Variants in DEGS2 observed in about 807,000 individuals in gnomAD.
DEGS2 encodes sphingolipid delta(4)-desaturase/C4-monooxygenase DES2.
DEGS2 carries 19 observed loss-of-function variants against 23.8 expected under a neutral mutation model. The ratio of observed to expected loss-of-function variants is 0.80; its 90% CI spans 0.56 to 1.17. The LOEUF is 1.17. DEGS2 is among the 50% of genes most tolerant of loss of function. The pLI is 0.00. For synonymous variants in DEGS2, 218 were observed against 213.7 expected (o/e 1.02, Z -0.18); for missense variants, 390 against 459.5 (o/e 0.85, Z 1.38).
intron 1 of DEGS2, among the ~76,000 whole-genome samples, chr14:100,151,989 C>G (rs901951700): frequency 3.9e-5 from 6 of 152,058 alleles, no homozygotes; most frequent in African/African-American, 1.5e-4. Context: ...AGGGTCGTGG[C>G]TGAGGTCACC....
chr14:100,157,360 A>G (rs552351462), intron 1 of DEGS2, among the ~76,000 whole-genome samples: 6 of 152,296 alleles, frequency 3.9e-5, no homozygotes, highest in East Asian at 1.9e-4. Flanking sequence ...CAGATACCCA[A>G]TGAGTCCTGT....
Position 100,146,877 on chromosome 14 carries a change from G to A in DEGS2, c.856C>T (p.His286Tyr). 8.1e-6 allele frequency: 13 copies of A among 1,613,646 alleles called. No homozygotes were observed. Among genetic ancestry groups the A allele is most frequent in the Non-Finnish European group, 1.0e-5 (12 of 1,179,892 alleles). ...VRKIAPEYYD[H>Y]LPQHHSWVKV... ...ACCCAGGAGTGGTGCTGCGGCAGGTGGTCGTAGTACTCGGGCGCGATCTTC... is the reference window on the plus strand; with the variant it reads ...ACCCAGGAGTGGTGCTGCGGCAGGTAGTCGTAGTACTCGGGCGCGATCTTC... Residue 286 changes from histidine to tyrosine, a missense_variant, in exon 3 of 3, where the codon CAC becomes TAC. By Grantham distance (83) the His-to-Tyr change is moderately conservative. Transcript: ENST00000305631.
upstream of DEGS2, among the ~76,000 whole-genome samples, chr14:100,164,067 T>C (rs371556857): frequency 2.6e-4 from 39 of 152,082 alleles, no homozygotes; most frequent in East Asian, 7.5e-3. Context: ...AATACAAAAA[T>C]TAGCCAGGTG....
At chr14:100,158,476 C>CT (rs1469493514) in intron 1 of DEGS2, among the ~76,000 whole-genome samples, 2 of 152,114 alleles carry the variant, frequency 1.3e-5, no homozygotes, top group Non-Finnish European at 2.9e-5. Flanking sequence ...GCAGGAGAAT[C>CT]GCTTGAACCT....
At chr14:100,148,019 G>T (rs1175087092) in intron 2 of DEGS2, among the ~76,000 whole-genome samples, 2 of 152,152 alleles carry the variant, frequency 1.3e-5, no homozygotes, top group Non-Finnish European at 2.9e-5. Flanking sequence ...GCAGAGCACC[G>T]CCTTGGTACT....
At chr14:100,156,938 G>T (rs986518045) in intron 1 of DEGS2, among the ~76,000 whole-genome samples, 1 of 152,214 alleles carries the variant, frequency 6.6e-6, no homozygotes, top group African/African-American at 2.4e-5. Context: ...AAGGGAGCGT[G>T]GACCAAGCTG....
intron 2 of DEGS2, 49 bp from the exon 3 acceptor site, chr14:100,146,956 A>G (rs1202034831): frequency 1.3e-6 from 2 of 1,580,920 alleles, no homozygotes; most frequent in Admixed American, 1.8e-5. Context: ...TCGGGGCCGC[A>G]CCCGCGAGCA....
chr14:100,149,393 A>G lies in DEGS2; in HGVS notation c.400T>C (p.Tyr134His). Residue 134 changes from tyrosine to histidine, a missense_variant, in exon 2 of 3, where the codon TAC becomes CAC. By Grantham distance (83) the Tyr-to-His change is moderately conservative. Coordinates refer to ENST00000305631, the MANE Select transcript of DEGS2 (RefSeq NM_206918.3). ...ACGTCCAGCCCGTCGCCGCCCAGGT[A>G]GCGGTGGTGGTCCACGTGGTACTTC... ...FKKYHVDHHR[Y>H]LGGDGLDVDV... 6.2e-7 allele frequency: 1 copy of G among 1,605,130 alleles called. No individual in the cohort carries two copies. Among genetic ancestry groups the G allele is most frequent in the Non-Finnish European group, 8.5e-7 (1 of 1,174,868 alleles).
intron 1 of DEGS2, among the ~76,000 whole-genome samples, chr14:100,151,437 G>T (rs1889569946): frequency 6.6e-6 from 1 of 152,184 alleles, no homozygotes; most frequent in Non-Finnish European, 1.5e-5. Context: ...CGCGACTCAA[G>T]GAGGGAACAG....
At chr14:100,147,668 C>G (rs1018568244) in intron 2 of DEGS2, among the ~76,000 whole-genome samples, 2 of 147,936 alleles carry the variant, frequency 1.4e-5, no homozygotes, top group Admixed American at 1.3e-4. Context: ...GCCCCCCCCC[C>G]CCAGGATGCC....
At position 100,146,725 on chromosome 14, in the gene DEGS2, G is replaced by A. The variant is rs1224114717; in HGVS notation, c.*36C>T. 6.2e-7 allele frequency: 1 copy of A among 1,607,710 alleles called. No individual in the cohort carries two copies. Among genetic ancestry groups the A allele is most frequent in the Non-Finnish European group, 8.5e-7 (1 of 1,176,888 alleles). ...TGGGGTGCAAGGCTGAGGGGCCGAT[G>A]GGGGACAATGGCCACCACCAGGAGG... On this transcript the variant is annotated 3_prime_UTR_variant, in exon 3 of 3. Coordinates refer to ENST00000305631, the MANE Select transcript of DEGS2 (RefSeq NM_206918.3).
In DEGS2 at chr14:100,144,234, G is replaced by A. The variant is rs953392253; in HGVS notation, c.*2527C>T. ...CACAGTAATAAACGGTTTACTGTCCGCACCCTCGGGCTCAGGCCCTCGCAT... is the reference window on the plus strand; with the variant it reads ...CACAGTAATAAACGGTTTACTGTCCACACCCTCGGGCTCAGGCCCTCGCAT... On this transcript the variant is annotated 3_prime_UTR_variant, in exon 3 of 3. Transcript: ENST00000305631. The A allele has an allele frequency of 1.4e-4, 22 of 156,508 alleles. No individual in the cohort carries two copies. Among genetic ancestry groups the A allele is most frequent in the Non-Finnish European group, 2.4e-4 (17 of 70,822 alleles). 9.7% of individuals were successfully genotyped at this position (156,508 alleles called of 1,614,324 possible). A position where few individuals can be genotyped will look rare whatever the true frequency, so the allele number is the denominator to read the frequency against.
intron 1 of DEGS2, among the ~76,000 whole-genome samples, chr14:100,152,242 G>A (rs1007093602): frequency 3.3e-5 from 5 of 152,318 alleles, no homozygotes; most frequent in Non-Finnish European, 5.9e-5. Flanking sequence ...ACCAGAGGAC[G>A]GCAGGATGGG....
intron 2 of DEGS2, among the ~76,000 whole-genome samples, chr14:100,148,584 C>T (rs992832190): frequency 6.6e-6 from 1 of 152,244 alleles, no homozygotes; most frequent in Non-Finnish European, 1.5e-5. Context: ...TCTCTGGCCC[C>T]TGGAGGGTCA....
rs190011048 is a variant in DEGS2, at chr14:100,147,216, G to A, written c.826-309C>T. ...TGGAGGGCCTGGTGGCCTGAACTGCGCCCAGGACGCTGTGGCAGAGGCACC... is the reference window on the plus strand; with the variant it reads ...TGGAGGGCCTGGTGGCCTGAACTGCACCCAGGACGCTGTGGCAGAGGCACC... On this transcript the variant is annotated intron_variant, in intron 2 of 2. Coordinates refer to ENST00000305631, the MANE Select transcript of DEGS2 (RefSeq NM_206918.3). Among the ~76,000 whole-genome samples the A allele has an allele frequency of 1.9e-4, 29 of 152,296 alleles. No homozygotes were observed. In the East Asian group the frequency reaches 2.5e-3, roughly 13 times the overall value.
chr14:100,158,058 G>A (rs1471372305), intron 1 of DEGS2, among the ~76,000 whole-genome samples: 2 of 135,620 alleles, frequency 1.5e-5, no homozygotes, highest in Non-Finnish European at 3.0e-5. Context: ...CTGCACTCCG[G>A]TCTGGGCGAC....
At chr14:100,162,254 C>G (rs1179832889), upstream of DEGS2, among the ~76,000 whole-genome samples, 5 of 150,256 alleles carry the variant, frequency 3.3e-5, no homozygotes, top group East Asian at 9.9e-4. Flanking sequence ...GAGGCTGAGG[C>G]AGAATGGCAT....
intron 1 of DEGS2, among the ~76,000 whole-genome samples, chr14:100,151,126 C>A (rs1203094439): frequency 6.6e-6 from 1 of 152,382 alleles, no homozygotes; most frequent in East Asian, 1.9e-4. Context: ...AGGGGCCCAC[C>A]AGCCTGCGTC....
chr14:100,152,664 T>TA (rs918697498), intron 1 of DEGS2, among the ~76,000 whole-genome samples: 6 of 152,150 alleles, frequency 3.9e-5, no homozygotes, highest in Non-Finnish European at 7.3e-5. Flanking sequence ...CTCCAGGAAC[T>TA]ACACCAGCAC....
Sources: allele counts gnomAD v4.1 joint callset (sites outside exome capture counted in the v4.1 genomes callset), GRCh38; gene constraint gnomAD v4.1.1; transcripts MANE v1.5; gene names NCBI Gene and HGNC (gene_info 2026-07-23, HGNC 2026-07-21).